MKX: variants seen among roughly 807,000 people sequenced by gnomAD.
MKX encodes mohawk homeobox.
A neutral mutation model predicts 36.0 loss-of-function variants in MKX; 13 were observed. The ratio of observed to expected loss-of-function variants is 0.36; its 90% CI spans 0.24 to 0.57. The LOEUF (loss-of-function observed/expected upper bound fraction) is 0.57, where lower values mean the gene tolerates loss of function less well. MKX is among the 20% of genes least tolerant of loss of function. The pLI is 0.79. For missense variants in MKX, 458 were observed against 456.4 expected, an observed-to-expected ratio of 1.00 and a Z score of -0.03; for synonymous variants, 176 against 178.3, an observed-to-expected ratio of 0.99 and a Z score of 0.10.
chr10:27,696,834 A>C (rs1177636447), intron 5 of MKX, among the ~76,000 whole-genome samples: 1 of 152,184 alleles, frequency 6.6e-6, no homozygotes, highest in Non-Finnish European at 1.5e-5. Flanking sequence ...CAAGTTTTAA[A>C]TGTAAAGGTT....
chr10:27,708,234 C>T (rs962485622), intron 5 of MKX, among the ~76,000 whole-genome samples: 2 of 152,164 alleles, frequency 1.3e-5, no homozygotes, highest in Non-Finnish European at 2.9e-5. Flanking sequence ...ACAACTGGTG[C>T]ATCCTGGCAA....
At chr10:27,717,676 G>A (rs772688056) in intron 5 of MKX, among the ~76,000 whole-genome samples, 3 of 152,248 alleles carry the variant, frequency 2.0e-5, no homozygotes, top group African/African-American at 4.8e-5. Flanking sequence ...GCCTGGTGGA[G>A]GAGTATGCTG....
At chr10:27,710,021 T>A (rs1198091476) in intron 5 of MKX, among the ~76,000 whole-genome samples, 1 of 152,216 alleles carries the variant, frequency 6.6e-6, no homozygotes, top group East Asian at 1.9e-4. Flanking sequence ...TTCTCATATA[T>A]TTAAACATAT....
rs148146170 is a variant in MKX at position 27,742,275 on chromosome 10, C to G, written c.189-771G>C. Among the ~76,000 whole-genome samples, 1,648 of 152,260 alleles carry G rather than the reference C, an allele frequency of 0.011. 14 individuals carry two copies. The highest frequency in any genetic ancestry group is 0.019 in the Non-Finnish European group (1,271 of 68,000). The stretch of plus-strand genomic sequence containing the variant: ...GAGCGTGGCCTGGGGCGCTGCGCTC[C>G]CTCACGGGTCCGGGAGGTGTCGCGC... On this transcript the variant is annotated intron_variant, in intron 2 of 6. Coordinates refer to ENST00000419761, the MANE Select transcript of MKX (RefSeq NM_173576.3). The surrounding 1 kb of genome is among the most constrained non-coding windows in gnomAD (Gnocchi z 4.2).
At position 27,724,827 on chromosome 10, in the gene MKX, G is replaced by A. The variant is rs79051813; in HGVS notation, c.838+9629C>T. On this transcript the variant is annotated intron_variant, in intron 5 of 6. Transcript: ENST00000419761. The stretch of plus-strand genomic sequence containing the variant: ...ACCTTTGGCCACCAGTATTAATGGT[G>A]TGGGATCTTCTGCAAACCATTTCTA... Among the ~76,000 whole-genome samples, 284 of 151,548 alleles carry A rather than the reference G, an allele frequency of 1.9e-3. 1 individual carries two copies. Among genetic ancestry groups the A allele is most frequent in the Non-Finnish European group, 1.9e-3 (127 of 67,924 alleles).
At position 27,741,461 on chromosome 10, in the gene MKX, G is replaced by A. The variant is rs201105732; in HGVS notation, c.232C>T (p.Leu78=). The change falls in exon 3 of 7, where the codon CTG becomes TTG. Residue 78 remains leucine, a synonymous_variant. Coordinates refer to ENST00000419761, the MANE Select transcript of MKX (RefSeq NM_173576.3). The surrounding 1 kb of genome is among the most constrained non-coding windows in gnomAD (Gnocchi z 5.1). ...GGKVRHKRQA[L]QDMARPLKQW... ...TTGAGGGGTCGCGCCATGTCTTGCA[G>A]GGCCTGCCGCTTGTGCCTCACCTTC... 11 of 1,609,640 alleles carry A rather than the reference G, an allele frequency of 6.8e-6. No individual in the cohort carries two copies. In the African/African-American group the frequency reaches 1.1e-4, roughly 16 times the overall value.
intron 5 of MKX, among the ~76,000 whole-genome samples, chr10:27,696,751 C>T (rs1836561573): frequency 6.6e-6 from 1 of 152,038 alleles, no homozygotes. Context: ...GGTGCATGAA[C>T]TAGCATCCTA....
intron 2 of MKX, 36 bp downstream of exon 2, chr10:27,743,192 C>G (rs772794530): frequency 2.1e-6 from 3 of 1,425,236 alleles, no homozygotes; most frequent in African/African-American, 3.0e-5. Context: ...CCCTCCGGGC[C>G]GCAGGCGGGC....
intron 5 of MKX, among the ~76,000 whole-genome samples, chr10:27,725,108 C>T (rs1016356239): frequency 6.6e-6 from 1 of 152,194 alleles, no homozygotes; most frequent in African/African-American, 2.4e-5. Flanking sequence ...AGGATCACAT[C>T]TCCAAGCAAC....
At chr10:27,678,317 G>C (rs763915477) in intron 5 of MKX, among the ~76,000 whole-genome samples, 1 of 152,178 alleles carries the variant, frequency 6.6e-6, no homozygotes, top group African/African-American at 2.4e-5. Flanking sequence ...TTAGGCCTTT[G>C]CTCCGTTTTG....
chr10:27,732,195 A>G (rs1834646367), intron 5 of MKX, among the ~76,000 whole-genome samples: 1 of 152,122 alleles, frequency 6.6e-6, no homozygotes, highest in Non-Finnish European at 1.5e-5. Context: ...TTTAAAATTG[A>G]TACTTTTTAT....
chr10:27,718,230 A>G (rs1184918837), intron 5 of MKX, among the ~76,000 whole-genome samples: 1 of 152,232 alleles, frequency 6.6e-6, no homozygotes, highest in Non-Finnish European at 1.5e-5. Context: ...AAAAAGAAGA[A>G]ATAATAATGA....
chr10:27,715,705 T>C (rs187837751), intron 5 of MKX, among the ~76,000 whole-genome samples: 61 of 152,306 alleles, frequency 4.0e-4, no homozygotes, highest in African/African-American at 1.4e-3. Context: ...GCTATTTTTG[T>C]CATTATTATG....
intron 5 of MKX, among the ~76,000 whole-genome samples, chr10:27,695,837 A>T (rs914995154): frequency 6.6e-6 from 1 of 152,244 alleles, no homozygotes; most frequent in African/African-American, 2.4e-5. Context: ...ACTGAAGAAG[A>T]AAAGGGTAAT....
At chr10:27,714,338 A>T (rs1188697523) in intron 5 of MKX, among the ~76,000 whole-genome samples, 1 of 152,252 alleles carries the variant, frequency 6.6e-6, no homozygotes, top group Non-Finnish European at 1.5e-5. Flanking sequence ...AAATTTAAAA[A>T]AACCTTTGGC....
chr10:27,676,076 C>A (rs551450219), intron 5 of MKX, among the ~76,000 whole-genome samples: 22 of 152,160 alleles, frequency 1.4e-4, no homozygotes, highest in African/African-American at 5.1e-4. Context: ...TCGAGACCAG[C>A]CTGCGCTACA....
At position 27,708,458 on chromosome 10, in the gene MKX, G is replaced by A. The variant is rs531819552; in HGVS notation, c.838+25998C>T. Among the ~76,000 whole-genome samples, 17 of 152,220 alleles carry A rather than the reference G, an allele frequency of 1.1e-4. No individual in the cohort carries two copies. The South Asian group carries it at 2.9e-3, about 26-fold the overall frequency. ...TCAAAAAATTGACTATAGGCCGGGC[G>A]CGGTTGCTCATGGCTGTAATCTCAG... On this transcript the variant is annotated intron_variant, in intron 5 of 6. Transcript: ENST00000419761.
At chr10:27,718,665 A>T (rs1834303074) in intron 5 of MKX, 1 of 333,426 alleles carries the variant, frequency 3.0e-6, no homozygotes, top group South Asian at 2.6e-5. Flanking sequence ...AATAGTATCC[A>T]CTTGGACTCC....
intron 5 of MKX, among the ~76,000 whole-genome samples, chr10:27,690,853 C>T (rs558353273): frequency 2.6e-5 from 4 of 152,232 alleles, no homozygotes; most frequent in Non-Finnish European, 2.9e-5. Context: ...AATTGTAATC[C>T]CCACATGTCG....
Sources: allele counts gnomAD v4.1 joint callset (sites outside exome capture counted in the v4.1 genomes callset), GRCh38; gene constraint gnomAD v4.1.1; non-coding constraint Gnocchi (gnomAD v3.1); transcripts MANE v1.5; gene names NCBI Gene and HGNC (gene_info 2026-07-23, HGNC 2026-07-21).